Variants in ANKRD36C observed in about 807,000 individuals in gnomAD.
ANKRD36C encodes the protein ankyrin repeat domain 36C, also known as ankyrin repeat domain-containing protein 36C.
In ANKRD36C, 61 loss-of-function variants were observed where a neutral mutation model predicts 276.4. That is an observed-to-expected ratio of 0.22 (90% CI 0.18 to 0.27). The LOEUF (loss-of-function observed/expected upper bound fraction) is 0.27. Among genes scored for constraint, ANKRD36C ranks in the 10% least tolerant of loss-of-function variants. The pLI, the probability that ANKRD36C is intolerant of heterozygous loss-of-function variation, is 1.00. For missense variants in ANKRD36C, 1,447 were observed against 2,032.3 expected (o/e 0.71, Z 5.54); for synonymous variants, 483 against 680.1 (o/e 0.71, Z 4.51).
intron 24 of ANKRD36C, among the ~76,000 whole-genome samples, chr2:95,932,130 A>G (rs556316888): frequency 2.0e-5 from 3 of 152,390 alleles, no homozygotes; most frequent in Admixed American, 6.5e-5. Context: ...TGTCAAAAAG[A>G]CATGCTTTAA....
chr2:95,852,143 C>T (rs768129141), exon 65 of ANKRD36C: 1 of 1,608,600 alleles, frequency 6.2e-7, no homozygotes, highest in African/African-American at 1.3e-5. Flanking sequence ...CGTCGCCTTC[C>T]ATCTCCTTAG....
rs1016743423 is a variant in ANKRD36C, at chr2:95,894,503, A to T, written c.2756-2643T>A. ...TTGATAAGATTTACATTCAGAAATC[A>T]TTCCAATATTCATTGAAAATGATCA... On this transcript the variant is annotated intron_variant, in intron 44 of 66. Coordinates refer to ENST00000456556, the Ensembl canonical transcript of ANKRD36C. 1.2e-4 allele frequency among the ~76,000 whole-genome samples: 18 copies of T among 151,484 alleles called. 4 individuals carry two copies. Among genetic ancestry groups the T allele is most frequent in the Admixed American group, 1.1e-3 (17 of 15,180 alleles).
At chr2:95,850,977 A>G (rs1675280814), downstream of ANKRD36C, among the ~76,000 whole-genome samples, 1 of 152,240 alleles carries the variant, frequency 6.6e-6, no homozygotes, top group Non-Finnish European at 1.5e-5. Flanking sequence ...ATGATGAATT[A>G]ACAAAGCATA....
At position 95,915,953 on chromosome 2, in the gene ANKRD36C, G is replaced by A. The variant is rs1171397390; in HGVS notation, c.2449+27C>T. On this transcript the variant is annotated intron_variant, in intron 38 of 66. Transcript: ENST00000456556. ...AGAACTTCTTATCTGGACTGAACAT[G>A]ACATTAAATGTGTTTTGCAAAATTA... The A allele has an allele frequency of 5.8e-6, 9 of 1,540,970 alleles. No homozygotes were observed. In the East Asian group the frequency reaches 9.8e-5, roughly 17 times the overall value.
At position 95,867,428 on chromosome 2, in the gene ANKRD36C, C is replaced by G. The variant is rs1306784485; in HGVS notation, c.3682+12G>C. On this transcript the variant is annotated intron_variant, in intron 60 of 66. Transcript: ENST00000456556. ...ATTTTTAAAAAGCCTTATATTTATG[C>G]ATTGGTCCTACCTTTACACTTCATT... 1 of 1,141,276 alleles carries G rather than the reference C, an allele frequency of 8.8e-7. No individual in the cohort carries two copies. The allele number at this position is 1,141,276 out of a possible 1,614,324, so 70.7% of individuals were successfully genotyped here.
intron 6 of ANKRD36C, among the ~76,000 whole-genome samples, chr2:95,964,430 A>T (rs1412285014): frequency 6.6e-6 from 1 of 151,978 alleles, no homozygotes; most frequent in Non-Finnish European, 1.5e-5. Context: ...TTTTTCGTTC[A>T]TAAATCGAAT....
At chr2:95,902,896 T>A in intron 42 of ANKRD36C, 1 of 1,580,348 alleles carries the variant, frequency 6.3e-7, no homozygotes, top group Non-Finnish European at 8.6e-7. Flanking sequence ...CTCTCCTAGT[T>A]TTTTCTCCAT....
chr2:95,971,651 A>G (rs1678700338), intron 6 of ANKRD36C, among the ~76,000 whole-genome samples: 1 of 152,136 alleles, frequency 6.6e-6, no homozygotes, highest in East Asian at 1.9e-4. Context: ...CAAATAACTT[A>G]ACTGTATTAA....
At chr2:95,927,080 G>C in intron 28 of ANKRD36C, 134 bp downstream of exon 28, 2 of 1,314,604 alleles carry the variant, frequency 1.5e-6, no homozygotes, top group Non-Finnish European at 2.1e-6. Flanking sequence ...AGTGTCACCT[G>C]AGAACTGAAG....
intron 19 of ANKRD36C, among the ~76,000 whole-genome samples, chr2:95,943,796 A>C (rs1241595665): frequency 6.6e-6 from 1 of 151,828 alleles, no homozygotes; most frequent in Non-Finnish European, 1.5e-5. Flanking sequence ...ACATCACTTT[A>C]CTGAAATTTT....
chr2:95,895,257 C>A (rs1253107443), intron 44 of ANKRD36C, 142 bp downstream of exon 62: 2 of 425,100 alleles, frequency 4.7e-6, no homozygotes, highest in Non-Finnish European at 8.7e-6. Context: ...ATCAGCATAA[C>A]CCAAGAACTT....
chr2:95,862,001 T>A (rs1238599341), intron 60 of ANKRD36C, among the ~76,000 whole-genome samples: 3 of 149,596 alleles, frequency 2.0e-5, no homozygotes, highest in Non-Finnish European at 4.4e-5. Context: ...ATAACAAAGG[T>A]CATGTCACAA....
At chr2:95,972,672 C>G (rs1678722808) in intron 6 of ANKRD36C, among the ~76,000 whole-genome samples, 1 of 152,186 alleles carries the variant, frequency 6.6e-6, no homozygotes, top group Non-Finnish European at 1.5e-5. Flanking sequence ...TGACCTCTGA[C>G]TACGATCAGA....
At chr2:95,902,192 C>T (rs1676673826) in intron 42 of ANKRD36C, among the ~76,000 whole-genome samples, 1 of 149,682 alleles carries the variant, frequency 6.7e-6, no homozygotes, top group Admixed American at 6.7e-5. Flanking sequence ...CTAAAATCAA[C>T]AAAACATGTA....
intron 44 of ANKRD36C, among the ~76,000 whole-genome samples, chr2:95,898,095 C>A (rs527338167): frequency 4.7e-5 from 7 of 149,036 alleles, no homozygotes; most frequent in African/African-American, 1.7e-4. Flanking sequence ...ACTAGTTTAG[C>A]CTTCCGAAAG....
intron 59 of ANKRD36C, among the ~76,000 whole-genome samples, chr2:95,870,557 G>C (rs1434902560): frequency 1.3e-5 from 2 of 152,110 alleles, no homozygotes; most frequent in Non-Finnish European, 2.9e-5. Context: ...AAACCTCAAA[G>C]ATGGGGAAAA....
chr2:95,921,642 G>T lies in ANKRD36C; in HGVS notation c.2210C>A (p.Ala737Asp), dbSNP rs768044939. 10 of 1,609,020 alleles carry T rather than the reference G, an allele frequency of 6.2e-6. No homozygotes were observed. In the Admixed American group the frequency reaches 1.5e-4, roughly 24 times the overall value. ...TTTTTCTCCATCCTTTATTTCTGTG[G>T]CTATATTCGAAACAGAATCTTCCTC... The change falls in exon 34 of 67, where the codon GCC becomes GAC. Residue 737 changes from alanine (A) to aspartate (D), a missense_variant. By Grantham distance (126) the Ala-to-Asp change is moderately radical. Coordinates refer to ENST00000456556, the Ensembl canonical transcript of ANKRD36C.
At position 95,902,895 on chromosome 2, in the gene ANKRD36C, T is replaced by C. The variant is rs991970683; in HGVS notation, c.2654-3559A>G. Reference sequence around the variant, plus strand: ...CTCTTTTCAAAATTACCTCTCCTAGTTTTTTCTCCATACTTTTTTCCTCTG... The same window carrying C: ...CTCTTTTCAAAATTACCTCTCCTAGCTTTTTCTCCATACTTTTTTCCTCTG... On this transcript the variant is annotated intron_variant, in intron 42 of 66. Coordinates refer to ENST00000456556, the Ensembl canonical transcript of ANKRD36C. 36 of 1,579,454 alleles carry C rather than the reference T, an allele frequency of 2.3e-5. 3 individuals are homozygous for C. Among genetic ancestry groups the C allele is most frequent in the African/African-American group, 1.8e-4 (13 of 73,810 alleles).
intron 44 of ANKRD36C, among the ~76,000 whole-genome samples, chr2:95,892,881 A>G (rs1213086064): frequency 6.6e-6 from 1 of 151,270 alleles, no homozygotes. Context: ...AGTAACAAAG[A>G]GGAGTAATGA....
Sources: gnomAD v4.1 joint callset for allele counts (sites outside exome capture counted in the v4.1 genomes callset) on GRCh38, gnomAD v4.1.1 for gene constraint, MANE v1.5 for transcripts, NCBI Gene and HGNC (gene_info 2026-07-23, HGNC 2026-07-21) for gene names.